Variants in NUP54 observed in about 807,000 individuals in gnomAD.
NUP54 encodes the protein nucleoporin p54.
Under a neutral mutation model 66.4 loss-of-function variants are expected in NUP54, and 27 were observed. The ratio of observed to expected loss-of-function variants is 0.41; its 90% confidence interval spans 0.30 to 0.56. The LOEUF is 0.56. Among genes scored for constraint, NUP54 ranks in the 20% least tolerant of loss-of-function variants. NUP54 has a pLI of 0.34. For synonymous variants in NUP54, 206 were observed against 210.7 expected, an observed-to-expected ratio of 0.98 and a Z score of 0.19; for missense variants, 486 against 596.3, an observed-to-expected ratio of 0.82 and a Z score of 1.93.
At chr4:76,129,453 C>G (rs1240802923) in intron 8 of NUP54, among the ~76,000 whole-genome samples, 1 of 152,142 alleles carries the variant, frequency 6.6e-6, no homozygotes, top group East Asian at 1.9e-4. Context: ...GAAAAAACAA[C>G]AAGAATACAG....
At chr4:76,130,978 C>T (rs1013791510) in intron 7 of NUP54, 22 of 598,422 alleles carry the variant, frequency 3.7e-5, no homozygotes, top group South Asian at 1.5e-4. Context: ...TAAATGAAAA[C>T]GCAAATAGAA....
chr4:76,119,570 G>A (rs555064202), intron 9 of NUP54, among the ~76,000 whole-genome samples: 6 of 149,352 alleles, frequency 4.0e-5, no homozygotes, highest in Non-Finnish European at 8.9e-5. Context: ...TAGAGATGAG[G>A]TCTCCCGATG....
intron 3 of NUP54, 76 bp downstream of exon 3, chr4:76,144,068 CTAAAG>C: frequency 1.5e-6 from 2 of 1,366,168 alleles, no homozygotes; most frequent in Non-Finnish European, 2.1e-6. Flanking sequence ...AAAAAGTCCA[CTAAAG>C]TATTCTGAAT....
At chr4:76,140,636 T>C (rs1432571909) in intron 3 of NUP54, among the ~76,000 whole-genome samples, 4 of 151,980 alleles carry the variant, frequency 2.6e-5, no homozygotes, top group Non-Finnish European at 5.9e-5. Context: ...ACAGATAAAT[T>C]TGAGATTTGA....
At chr4:76,127,510 A>T (rs1730596660) in intron 8 of NUP54, among the ~76,000 whole-genome samples, 1 of 151,782 alleles carries the variant, frequency 6.6e-6, no homozygotes, top group Non-Finnish European at 1.5e-5. Flanking sequence ...ACTTTATATA[A>T]AGGTAAACTT....
Position 76,115,346 on chromosome 4 carries a change from T to G in NUP54, c.*20A>C, listed in dbSNP as rs750433484. On this transcript the variant is annotated 3_prime_UTR_variant, in exon 12 of 12. Transcript: ENST00000264883. ...GTAAGAAGATGCATTTCACAAACCT[T>G]TACACAAGTTTGTGAACTGTCAACT... 2.6e-6 allele frequency: 4 copies of G among 1,567,492 alleles called. No homozygotes were observed. Among genetic ancestry groups the G allele is most frequent in the Admixed American group, 3.9e-5 (2 of 51,420 alleles).
intron 3 of NUP54, among the ~76,000 whole-genome samples, chr4:76,141,440 C>G (rs529766764): frequency 2.6e-5 from 4 of 152,264 alleles, no homozygotes; most frequent in African/African-American, 9.6e-5. Context: ...TATCTACCCA[C>G]AAACATCTGC....
intron 11 of NUP54, among the ~76,000 whole-genome samples, chr4:76,116,024 TATC>T (rs1452938213): frequency 6.6e-6 from 1 of 152,212 alleles, no homozygotes; most frequent in East Asian, 1.9e-4. Context: ...GGGGTACCAT[TATC>T]ATCTCGACAG....
chr4:76,141,904 T>G (rs970192350), intron 3 of NUP54, among the ~76,000 whole-genome samples: 3 of 152,122 alleles, frequency 2.0e-5, no homozygotes, highest in Non-Finnish European at 4.4e-5. Flanking sequence ...ACTGCACTGA[T>G]CTAGTTATAC....
Position 76,115,381 on chromosome 4 carries a change from A to T in NUP54, c.1509T>A (p.Gly503=). The part of the protein sequence containing the change: ...HGLNETIHIR[G]GVFS Reference sequence around the variant, plus strand: ...TTGTGAACTGTCAACTAAAGACACCACCTCTGATGTGGATGGTTTCATTCA... The same window carrying T: ...TTGTGAACTGTCAACTAAAGACACCTCCTCTGATGTGGATGGTTTCATTCA... The change falls in exon 12 of 12, where the codon GGT becomes GGA. Residue 503 remains glycine, a synonymous_variant. Transcript: ENST00000264883. 6.3e-7 allele frequency: 1 copy of T among 1,595,578 alleles called. No individual in the cohort carries two copies. Among genetic ancestry groups the T allele is most frequent in the East Asian group, 2.3e-5 (1 of 43,814 alleles).
At chr4:76,125,855 G>GAGA (rs759427528) in intron 8 of NUP54, among the ~76,000 whole-genome samples, 2,465 of 73,018 alleles carry the variant, frequency 0.034, 66 homozygotes, top group East Asian at 0.16. Flanking sequence ...GGAGAGAGGG[G>GAGA]GAGGGGGAGG....
intron 8 of NUP54, among the ~76,000 whole-genome samples, chr4:76,125,206 A>C (rs1274400875): frequency 2.7e-5 from 4 of 146,186 alleles, no homozygotes; most frequent in South Asian, 4.3e-4. Context: ...CAGGAGAATC[A>C]CTTAAACCTG....
chr4:76,143,629 A>G (rs1731360436), intron 3 of NUP54, among the ~76,000 whole-genome samples: 1 of 152,208 alleles, frequency 6.6e-6, no homozygotes, highest in African/African-American at 2.4e-5. Context: ...AATAAAAAAG[A>G]GAGATAAAAG....
Position 76,132,631 on chromosome 4 carries a change from G to A in NUP54, c.799C>T (p.Gln267Ter). Residue 267 changes from glutamine to a stop codon, truncating the protein, a stop_gained, in exon 6 of 12, where the codon CAA becomes TAA. Transcript: ENST00000264883. LOFTEE classifies it high-confidence loss of function. ...PATTLYAHFE[Q>*]ANIKTQLQQL... ...TGCAATTGTGTTTTTATATTGGCTTGTTCAAAATGGGCATATAGCGTTGTA... is the reference window on the plus strand; with the variant it reads ...TGCAATTGTGTTTTTATATTGGCTTATTCAAAATGGGCATATAGCGTTGTA... 1 of 1,613,642 alleles carries A rather than the reference G, an allele frequency of 6.2e-7. No homozygotes were observed. The highest frequency in any genetic ancestry group is 1.3e-5 in the African/African-American group (1 of 75,002).
intron 3 of NUP54, among the ~76,000 whole-genome samples, chr4:76,143,639 G>C (rs914705908): frequency 6.6e-6 from 1 of 152,080 alleles, no homozygotes; most frequent in Non-Finnish European, 1.5e-5. Context: ...AGAGATAAAA[G>C]AGGAGCCTAT....
chr4:76,138,656 T>A (rs1007394279), intron 3 of NUP54, among the ~76,000 whole-genome samples: 4 of 152,160 alleles, frequency 2.6e-5, no homozygotes, highest in Non-Finnish European at 5.9e-5. Flanking sequence ...AGGGAGCTGA[T>A]CAAGCCTGAG....
chr4:76,117,826 G>C (rs745895639), intron 10 of NUP54, 52 bp from the exon 11 acceptor site: 1 of 1,395,570 alleles, frequency 7.2e-7, no homozygotes, highest in Non-Finnish European at 1.0e-6. Context: ...ACTTGTAAAA[G>C]ACAATGTTTT....
intron 8 of NUP54, among the ~76,000 whole-genome samples, chr4:76,130,419 A>C (rs996161146): frequency 6.6e-6 from 1 of 152,202 alleles, no homozygotes; most frequent in Non-Finnish European, 1.5e-5. Context: ...TGGAAATGAC[A>C]GTCTAATTAA....
Sources: gnomAD v4.1 joint callset for allele counts (sites outside exome capture counted in the v4.1 genomes callset) on GRCh38, gnomAD v4.1.1 for gene constraint, MANE v1.5 for transcripts, NCBI Gene and HGNC (gene_info 2026-07-23, HGNC 2026-07-21) for gene names.